Variants in LRRC4C observed in about 807,000 individuals in gnomAD.
The protein encoded by LRRC4C is leucine-rich repeat-containing protein 4C.
LRRC4C carries 5 observed loss-of-function variants against 33.6 expected under a neutral mutation model. That is an observed-to-expected ratio of 0.15 (90% CI 0.08 to 0.31). The LOEUF is 0.31. LRRC4C is among the 10% of genes least tolerant of loss of function. The pLI is 1.00. For synonymous variants in LRRC4C, 329 were observed against 302.0 expected (o/e 1.09, Z -0.93); for missense variants, 560 against 796.7 (o/e 0.70, Z 3.58).
intron 4 of LRRC4C, among the ~76,000 whole-genome samples, chr11:40,265,290 G>A (rs554259079): frequency 6.6e-6 from 1 of 152,154 alleles, no homozygotes; most frequent in Admixed American, 6.5e-5. Flanking sequence ...GCTTTGCCTT[G>A]TGCATTTATG....
At chr11:40,586,255 G>A (rs1351767238) in intron 3 of LRRC4C, among the ~76,000 whole-genome samples, 4 of 151,716 alleles carry the variant, frequency 2.6e-5, no homozygotes, top group African/African-American at 7.3e-5. Flanking sequence ...TGTGTTTTTT[G>A]GCTGCATAAA....
intron 1 of LRRC4C, among the ~76,000 whole-genome samples, chr11:41,208,856 A>C (rs1565480871): frequency 6.6e-6 from 1 of 152,268 alleles, no homozygotes; most frequent in East Asian, 1.9e-4. Flanking sequence ...TGCCTCAAGG[A>C]CAAGGCCACT....
intron 3 of LRRC4C, among the ~76,000 whole-genome samples, chr11:40,559,181 CTTTTTTTTTT>C (rs71060968): frequency 8.0e-6 from 1 of 124,660 alleles, no homozygotes; most frequent in African/African-American, 2.9e-5. Context: ...TTGCATGCGT[CTTTTTTTTTT>C]TTTTTTTTTC....
intron 3 of LRRC4C, among the ~76,000 whole-genome samples, chr11:40,601,427 G>A (rs1415514005): frequency 6.6e-6 from 1 of 152,158 alleles, no homozygotes; most frequent in African/African-American, 2.4e-5. Flanking sequence ...TTGATTATCA[G>A]AATAATGTGT....
chr11:40,876,260 G>GTTTTTTTT (rs34351895), intron 2 of LRRC4C, among the ~76,000 whole-genome samples: 15 of 91,292 alleles, frequency 1.6e-4, no homozygotes, highest in Non-Finnish European at 2.2e-4. Flanking sequence ...CTCAGTTAGG[G>GTTTTTTTT]TTTTTTTTTT....
chr11:41,112,653 C>G (rs1046032513), intron 1 of LRRC4C, among the ~76,000 whole-genome samples: 2 of 152,014 alleles, frequency 1.3e-5, no homozygotes, highest in African/African-American at 4.8e-5. Context: ...TAATTTCAAT[C>G]ATGTACTCTC....
chr11:41,318,691 A>G (rs1950866814), intron 1 of LRRC4C, among the ~76,000 whole-genome samples: 1 of 152,168 alleles, frequency 6.6e-6, no homozygotes, highest in Non-Finnish European at 1.5e-5. Flanking sequence ...TTTTTGTAAT[A>G]AGCTCTTTCC....
intron 4 of LRRC4C, among the ~76,000 whole-genome samples, chr11:40,317,485 G>A (rs1185893090): frequency 6.6e-6 from 1 of 152,044 alleles, no homozygotes. Context: ...TTACATATCT[G>A]TCCTGTTCTT....
chr11:40,221,897 C>T (rs747985064), intron 5 of LRRC4C, among the ~76,000 whole-genome samples: 41 of 152,254 alleles, frequency 2.7e-4, no homozygotes, highest in Non-Finnish European at 5.9e-4. Flanking sequence ...AGGAATTGCT[C>T]ACTCAGGGAG....
intron 3 of LRRC4C, among the ~76,000 whole-genome samples, chr11:40,341,661 C>T (rs1413204219): frequency 6.6e-6 from 1 of 152,150 alleles, no homozygotes; most frequent in African/African-American, 2.4e-5. Flanking sequence ...ACATTGTGCA[C>T]ATGAACCCTA....
intron 5 of LRRC4C, among the ~76,000 whole-genome samples, chr11:40,198,895 T>TC (rs1565122988): frequency 6.6e-6 from 1 of 152,068 alleles, no homozygotes; most frequent in Non-Finnish European, 1.5e-5. Context: ...CTCTAGAAGT[T>TC]CCCCCCAGAA....
chr11:40,628,765 AT>A (rs1963202500), intron 3 of LRRC4C, among the ~76,000 whole-genome samples: 1 of 152,200 alleles, frequency 6.6e-6, no homozygotes, highest in Non-Finnish European at 1.5e-5. Context: ...CACTTTCCAG[AT>A]TTTTAATAAG....
chr11:41,204,204 G>T (rs542309906), intron 1 of LRRC4C, among the ~76,000 whole-genome samples: 3 of 152,312 alleles, frequency 2.0e-5, no homozygotes, highest in East Asian at 3.9e-4. Flanking sequence ...GATGTATACT[G>T]CAAGGAATTA....
chr11:40,663,871 C>T (rs557867778), intron 2 of LRRC4C, among the ~76,000 whole-genome samples: 17 of 152,256 alleles, frequency 1.1e-4, no homozygotes, highest in African/African-American at 3.6e-4. Context: ...TAAGATCAAC[C>T]ATCAAAATGA....
At chr11:41,260,217 C>T (rs1490656135) in intron 1 of LRRC4C, among the ~76,000 whole-genome samples, 2 of 151,960 alleles carry the variant, frequency 1.3e-5, no homozygotes, top group East Asian at 3.9e-4. Flanking sequence ...TGCAAAGATA[C>T]CTTGCCTGTT....
intron 1 of LRRC4C, among the ~76,000 whole-genome samples, chr11:41,078,681 C>A (rs1271613626): frequency 6.6e-6 from 1 of 152,136 alleles, no homozygotes; most frequent in Non-Finnish European, 1.5e-5. Flanking sequence ...TCCCACCAGG[C>A]ACCTCTTCTG....
At chr11:41,063,769 T>C (rs990021308) in intron 1 of LRRC4C, among the ~76,000 whole-genome samples, 1 of 152,210 alleles carries the variant, frequency 6.6e-6, no homozygotes, top group African/African-American at 2.4e-5. Context: ...AAAAATGTTA[T>C]TAATGACCAG....
At chr11:40,165,266 G>A (rs182622916) in intron 5 of LRRC4C, among the ~76,000 whole-genome samples, 36 of 152,078 alleles carry the variant, frequency 2.4e-4, no homozygotes, top group East Asian at 9.7e-4. Context: ...ATATGTATCC[G>A]TTTCTATGTC....
At chr11:41,134,343 A>G (rs1943159515) in intron 1 of LRRC4C, among the ~76,000 whole-genome samples, 1 of 152,116 alleles carries the variant, frequency 6.6e-6, no homozygotes, top group African/African-American at 2.4e-5. Flanking sequence ...GCCTCAAGCA[A>G]TTCTACCACC....
Sources: gnomAD v4.1 joint callset for allele counts (sites outside exome capture counted in the v4.1 genomes callset) on GRCh38, gnomAD v4.1.1 for gene constraint, MANE v1.5 for transcripts, NCBI Gene and HGNC (gene_info 2026-07-23, HGNC 2026-07-21) for gene names.